Variants in HS6ST3 observed in about 807,000 individuals in gnomAD.
HS6ST3 encodes heparan-sulfate 6-O-sulfotransferase 3.
In HS6ST3, 12 loss-of-function variants were observed where a neutral mutation model predicts 36.7. The ratio of observed to expected loss-of-function variants is 0.33; its 90% CI spans 0.21 to 0.53. The LOEUF (loss-of-function observed/expected upper bound fraction) is 0.53, where lower values mean the gene tolerates loss of function less well. Ranked by LOEUF, HS6ST3 falls within the 20% of genes least tolerant of loss-of-function variation. HS6ST3 has a pLI of 0.95. For missense variants in HS6ST3, 584 were observed against 640.9 expected (o/e 0.91, Z 0.96); for synonymous variants, 240 against 257.5 (o/e 0.93, Z 0.65).
chr13:96,594,423 A>AT (rs2056394357), intron 1 of HS6ST3, among the ~76,000 whole-genome samples: 2 of 151,520 alleles, frequency 1.3e-5, no homozygotes, highest in African/African-American at 4.8e-5. Flanking sequence ...TGACTAGGTG[A>AT]TTTTCTCTAG....
At chr13:96,172,352 G>T (rs994913028) in intron 1 of HS6ST3, among the ~76,000 whole-genome samples, 1 of 152,180 alleles carries the variant, frequency 6.6e-6, no homozygotes, top group Non-Finnish European at 1.5e-5. Flanking sequence ...AGTAACTTCT[G>T]CAGTGTCTGT....
chr13:96,444,666 G>A (rs911183914), intron 1 of HS6ST3, among the ~76,000 whole-genome samples: 2 of 152,166 alleles, frequency 1.3e-5, no homozygotes, highest in South Asian at 2.1e-4. Flanking sequence ...GGTTTCTTAT[G>A]TAGGAATATA....
intron 1 of HS6ST3, among the ~76,000 whole-genome samples, chr13:96,385,609 A>G (rs1309022936): frequency 6.6e-6 from 1 of 152,172 alleles, no homozygotes; most frequent in Non-Finnish European, 1.5e-5. Context: ...GGAGGTTTGG[A>G]CAATGAGCAT....
At chr13:96,235,780 T>A (rs987305530) in intron 1 of HS6ST3, among the ~76,000 whole-genome samples, 1 of 152,202 alleles carries the variant, frequency 6.6e-6, no homozygotes, top group African/African-American at 2.4e-5. Flanking sequence ...TCTTATTTCC[T>A]TCCCCAAACC....
intron 1 of HS6ST3, among the ~76,000 whole-genome samples, chr13:96,731,623 T>C (rs1876155981): frequency 6.6e-6 from 1 of 152,092 alleles, no homozygotes; most frequent in South Asian, 2.1e-4. Context: ...GTAGTACAGT[T>C]GCTGGATCAT....
chr13:96,401,550 A>T (rs2182067), intron 1 of HS6ST3, among the ~76,000 whole-genome samples: 73,300 of 152,006 alleles, frequency 0.48, 18,069 homozygotes, highest in Middle Eastern at 0.58. Flanking sequence ...TATAATATTC[A>T]TGAATCAAAA....
rs1463276128 is a variant in HS6ST3 at position 96,107,767 on chromosome 13, C to T, written c.707+16198C>T. ...TTATAATTTCTTACGCCTGTCTTTA[C>T]TGCGGTTTCTGAACATAAATTATGA... is the stretch of plus-strand genomic sequence containing the variant. On this transcript the variant is annotated intron_variant, in intron 1 of 1. Coordinates refer to ENST00000376705, the MANE Select transcript of HS6ST3 (RefSeq NM_153456.4). 3.9e-5 allele frequency among the ~76,000 whole-genome samples: 6 copies of T among 152,160 alleles called. 1 individual carries two copies. The highest frequency in any genetic ancestry group is 1.4e-4 in the African/African-American group (6 of 41,424).
intron 1 of HS6ST3, among the ~76,000 whole-genome samples, chr13:96,766,154 C>T (rs192210540): frequency 6.6e-6 from 1 of 152,254 alleles, no homozygotes; most frequent in East Asian, 1.9e-4. Context: ...CCATTACTTA[C>T]ATGAAAGGGC....
intron 1 of HS6ST3, among the ~76,000 whole-genome samples, chr13:96,202,737 C>T (rs1429946418): frequency 6.6e-6 from 1 of 152,188 alleles, no homozygotes. Context: ...TTACATAGGG[C>T]AATCCTGCTG....
intron 1 of HS6ST3, among the ~76,000 whole-genome samples, chr13:96,706,126 C>A (rs1383979644): frequency 6.6e-6 from 1 of 152,064 alleles, no homozygotes; most frequent in African/African-American, 2.4e-5. Flanking sequence ...AAGGAAACCA[C>A]TTACAACTGT....
rs541575498 is a variant in HS6ST3, at chr13:96,764,685, T to C, written c.708-67805T>C. On this transcript the variant is annotated intron_variant, in intron 1 of 1. Coordinates refer to ENST00000376705, the MANE Select transcript of HS6ST3 (RefSeq NM_153456.4). ...CACACTTTCTGTGCAGGCAGGATCC[T>C]TGCTTGCTGAGAGGTGAGAATGACA... Among the ~76,000 whole-genome samples the C allele has an allele frequency of 2.0e-5, 3 of 152,316 alleles. No homozygotes were observed. The East Asian group carries it at 5.8e-4, about 29-fold the overall frequency.
intron 1 of HS6ST3, among the ~76,000 whole-genome samples, chr13:96,301,658 A>C (rs1313775588): frequency 6.6e-6 from 1 of 152,072 alleles, no homozygotes; most frequent in Non-Finnish European, 1.5e-5. Flanking sequence ...TTGGGAGGCT[A>C]AGGTAGGCGG....
At chr13:96,734,952 G>A (rs912255817) in intron 1 of HS6ST3, among the ~76,000 whole-genome samples, 13 of 152,024 alleles carry the variant, frequency 8.6e-5, no homozygotes, top group African/African-American at 2.7e-4. Flanking sequence ...CAGTTAAGAA[G>A]CATCTTCTAG....
intron 1 of HS6ST3, among the ~76,000 whole-genome samples, chr13:96,593,064 AACTCT>A (rs1486641714): frequency 6.6e-6 from 1 of 151,634 alleles, no homozygotes; most frequent in East Asian, 1.9e-4. Context: ...TAAGGCCAAT[AACTCT>A]TAGATTTGCC....
At chr13:96,238,164 T>G (rs978754782) in intron 1 of HS6ST3, among the ~76,000 whole-genome samples, 1 of 152,116 alleles carries the variant, frequency 6.6e-6, no homozygotes, top group African/African-American at 2.4e-5. Flanking sequence ...GAAAGAACTC[T>G]GGGGGGTCAT....
intron 1 of HS6ST3, among the ~76,000 whole-genome samples, chr13:96,361,310 G>T (rs770910322): frequency 6.6e-6 from 1 of 152,090 alleles, no homozygotes; most frequent in Non-Finnish European, 1.5e-5. Context: ...ACAGTGCTCT[G>T]TTGAGCCTAT....
chr13:96,764,489 C>T (rs1347889754), intron 1 of HS6ST3, among the ~76,000 whole-genome samples: 3 of 152,146 alleles, frequency 2.0e-5, no homozygotes, highest in Non-Finnish European at 4.4e-5. Flanking sequence ...GCTAACATAG[C>T]GATAAAAATC....
chr13:96,237,062 A>G (rs145376954), intron 1 of HS6ST3, among the ~76,000 whole-genome samples: 27 of 152,300 alleles, frequency 1.8e-4, no homozygotes, highest in African/African-American at 5.3e-4. Context: ...TTATAAAACC[A>G]TCAGATCTCA....
At chr13:96,612,535 ACTG>A (rs1040479221) in intron 1 of HS6ST3, among the ~76,000 whole-genome samples, 122 of 152,124 alleles carry the variant, frequency 8.0e-4, no homozygotes, top group African/African-American at 2.8e-3. Context: ...CATATATCCA[ACTG>A]CTTACTGGGC....
Sources: gnomAD v4.1 joint callset for allele counts (sites outside exome capture counted in the v4.1 genomes callset) on GRCh38, gnomAD v4.1.1 for gene constraint, MANE v1.5 for transcripts, NCBI Gene and HGNC (gene_info 2026-07-23, HGNC 2026-07-21) for gene names.